The following WASL variants were observed in gnomAD, a reference collection of about 807,000 sequenced individuals.
WASL encodes WASP like actin nucleation promoting factor, also known as actin nucleation-promoting factor WASL.
WASL carries 20 observed loss-of-function variants against 55.5 expected under a neutral mutation model. That is an observed-to-expected ratio of 0.36 (90% CI 0.25 to 0.52). WASL has a LOEUF of 0.52. Among genes scored for constraint, WASL ranks in the 20% least tolerant of loss-of-function variants. WASL has a pLI of 0.92. For synonymous variants in WASL, 249 were observed against 217.6 expected (o/e 1.14, Z -1.27); for missense variants, 504 against 622.5 (o/e 0.81, Z 2.03).
intron 1 of WASL, among the ~76,000 whole-genome samples, chr7:123,710,856 G>T (rs905785355): frequency 6.6e-6 from 1 of 152,148 alleles, no homozygotes; most frequent in Non-Finnish European, 1.5e-5. Context: ...GGATGATAGT[G>T]CCACAGGCAT....
chr7:123,737,787 G>A (rs1804263207), intron 1 of WASL, among the ~76,000 whole-genome samples: 1 of 152,028 alleles, frequency 6.6e-6, no homozygotes, highest in African/African-American at 2.4e-5. Context: ...AAAAATGTGA[G>A]CAAATATTTT....
intron 1 of WASL, among the ~76,000 whole-genome samples, chr7:123,715,366 T>TC (rs2116797384): frequency 6.6e-6 from 1 of 152,296 alleles, no homozygotes; most frequent in South Asian, 2.1e-4. Context: ...CTGAGCCCAG[T>TC]CCCTACATTC....
At chr7:123,717,147 T>C (rs1735767375) in intron 1 of WASL, among the ~76,000 whole-genome samples, 1 of 151,554 alleles carries the variant, frequency 6.6e-6, no homozygotes, top group African/African-American at 2.4e-5. Flanking sequence ...GGAGGGAGAG[T>C]TTGTGGTAGT....
rs1803221924 is a variant in WASL at position 123,682,943 on chromosome 7, T to A, written c.*1576A>T. ...TTAAGTATTTTACTGCACCACTTAC[T>A]GCTTTCAGCAACAAAACCTTTTAAA... On this transcript the variant is annotated 3_prime_UTR_variant, in exon 11 of 11. Coordinates refer to ENST00000223023, the MANE Select transcript of WASL (RefSeq NM_003941.4). The A allele has an allele frequency of 6.6e-6, 1 of 152,154 alleles. No individual in the cohort carries two copies. Among genetic ancestry groups the A allele is most frequent in the Admixed American group, 6.6e-5 (1 of 15,264 alleles). 9.4% of individuals were successfully genotyped at this position (152,154 alleles called of 1,614,324 possible). A position where few individuals can be genotyped will look rare whatever the true frequency, so the allele number is the denominator to read the frequency against.
intron 1 of WASL, among the ~76,000 whole-genome samples, chr7:123,710,758 AC>A: frequency 6.6e-6 from 1 of 152,262 alleles, no homozygotes; most frequent in South Asian, 2.1e-4. Context: ...GTATCCTGGG[AC>A]ACTGGGTTTC....
intron 5 of WASL, among the ~76,000 whole-genome samples, chr7:123,702,916 A>C (rs1803614610): frequency 1.3e-5 from 2 of 152,164 alleles, no homozygotes; most frequent in Non-Finnish European, 2.9e-5. Flanking sequence ...CTACACTTTA[A>C]AATATGGGGT....
intron 6 of WASL, 69 bp from the exon 7 acceptor site, chr7:123,695,934 T>C (rs558695592): frequency 4.7e-6 from 7 of 1,475,586 alleles, no homozygotes; most frequent in East Asian, 2.3e-5. Context: ...ACAATATATA[T>C]GAAACCCAAT....
At chr7:123,719,931 T>C (rs541526204) in intron 1 of WASL, among the ~76,000 whole-genome samples, 20 of 152,304 alleles carry the variant, frequency 1.3e-4, no homozygotes, top group African/African-American at 3.8e-4. Flanking sequence ...GGCCTATCCA[T>C]TGAGTTCCCA....
rs1803221443 is a variant in WASL at position 123,682,920 on chromosome 7, A to C, written c.*1599T>G. The C allele has an allele frequency of 1.3e-5, 2 of 152,154 alleles. No homozygotes were observed. The allele number at this position is 152,154 out of a possible 1,614,324, so 9.4% of individuals were successfully genotyped here. A position where few individuals can be genotyped will look rare whatever the true frequency, so the allele number is the denominator to read the frequency against. On this transcript the variant is annotated 3_prime_UTR_variant, in exon 11 of 11. Transcript: ENST00000223023. ...AAAGATAACATTCTTTGAATAACTT[A>C]AGTATTTTACTGCACCACTTACTGC...
intron 8 of WASL, among the ~76,000 whole-genome samples, chr7:123,694,320 A>G (rs957707938): frequency 3.9e-5 from 6 of 152,286 alleles, no homozygotes; most frequent in African/African-American, 1.4e-4. Context: ...TTCAAAATAG[A>G]AAGTTTACAT....
At chr7:123,720,145 G>C (rs1584867506) in intron 1 of WASL, among the ~76,000 whole-genome samples, 1 of 152,058 alleles carries the variant, frequency 6.6e-6, no homozygotes, top group African/African-American at 2.4e-5. Flanking sequence ...TAACGTGTTT[G>C]ATCTATTTAA....
intron 1 of WASL, among the ~76,000 whole-genome samples, chr7:123,727,821 A>G (rs1804076915): frequency 6.6e-6 from 1 of 152,202 alleles, no homozygotes; most frequent in Non-Finnish European, 1.5e-5. Context: ...CATAAATTAT[A>G]CCGTAATTTC....
intron 1 of WASL, among the ~76,000 whole-genome samples, chr7:123,738,646 T>TG (rs1804279283): frequency 6.6e-6 from 1 of 152,234 alleles, no homozygotes; most frequent in South Asian, 2.1e-4. Context: ...CAATTGGTAG[T>TG]GGTTGCCTCT....
intron 1 of WASL, among the ~76,000 whole-genome samples, chr7:123,742,564 A>G (rs1271295714): frequency 6.6e-6 from 1 of 152,190 alleles, no homozygotes; most frequent in Non-Finnish European, 1.5e-5. Flanking sequence ...CACTAATACA[A>G]TTTCATCCAG....
intron 1 of WASL, among the ~76,000 whole-genome samples, chr7:123,724,957 G>C (rs1360210372): frequency 6.6e-6 from 1 of 152,030 alleles, no homozygotes; most frequent in African/African-American, 2.4e-5. Context: ...GCATACCAAA[G>C]TCAACATACA....
Position 123,695,505 on chromosome 7 carries a change from C to A in WASL, c.672+318G>T, listed in dbSNP as rs546507595. Among the ~76,000 whole-genome samples, 8 of 152,206 alleles carry A rather than the reference C, an allele frequency of 5.3e-5. No homozygotes were observed. In the South Asian group the frequency reaches 1.7e-3, roughly 32 times the overall value. On this transcript the variant is annotated intron_variant, in intron 7 of 10. Transcript: ENST00000223023. ...ATTCAGAATTTGATTATACTACTTT[C>A]TAGTAATTTGGTATACACTCCCCTG... is the stretch of plus-strand genomic sequence containing the variant.
At chr7:123,714,965 T>C (rs983911750) in intron 1 of WASL, among the ~76,000 whole-genome samples, 7 of 152,058 alleles carry the variant, frequency 4.6e-5, no homozygotes, top group African/African-American at 1.4e-4. Context: ...ATAGGAAAGT[T>C]TGGTGAACTG....
chr7:123,699,590 A>T (rs1479862688), intron 5 of WASL, among the ~76,000 whole-genome samples: 1 of 152,228 alleles, frequency 6.6e-6, no homozygotes, highest in Non-Finnish European at 1.5e-5. Context: ...GATAAAGTTA[A>T]GTTTAATGAT....
At chr7:123,713,552 A>C (rs1803792857) in intron 1 of WASL, among the ~76,000 whole-genome samples, 1 of 152,196 alleles carries the variant, frequency 6.6e-6, no homozygotes, top group South Asian at 2.1e-4. Flanking sequence ...GTTGGCCTAG[A>C]TTAACAGTCA....
Sources: allele counts gnomAD v4.1 joint callset (sites outside exome capture counted in the v4.1 genomes callset), GRCh38; gene constraint gnomAD v4.1.1; transcripts MANE v1.5; gene names NCBI Gene and HGNC (gene_info 2026-07-23, HGNC 2026-07-21).